Variants in KEL observed in about 807,000 individuals in gnomAD.
The protein encoded by KEL is kell blood group glycoprotein.
In KEL, 96 loss-of-function variants were observed where a neutral mutation model predicts 99.5. That is an observed-to-expected ratio of 0.97 (90% CI 0.82 to 1.14). The LOEUF is 1.14. KEL is among the 50% of genes most tolerant of loss of function. The pLI, the probability that KEL is intolerant of heterozygous loss-of-function variation, is 0.00. For missense variants in KEL, 926 were observed against 924.2 expected, an observed-to-expected ratio of 1.00 and a Z score of -0.03; for synonymous variants, 355 against 354.8, an observed-to-expected ratio of 1.00 and a Z score of -0.01.
chr7:142,943,242 A>AT, intron 16 of KEL, 34 bp downstream of exon 16: 1 of 1,610,376 alleles, frequency 6.2e-7, no homozygotes, highest in Non-Finnish European at 8.5e-7. Context: ...TAGGTTCCCT[A>AT]TTATCCCACC....
Position 142,962,268 on chromosome 7 carries a change from A to G in KEL, c.-62T>C. The G allele has an allele frequency of 3.1e-6, 5 of 1,604,080 alleles. No homozygotes were observed. The highest frequency in any genetic ancestry group is 1.7e-5 in the Admixed American group (1 of 60,010). ...TCCACTCTAGGAGCTGATTCGGAGGACTGGGGTCCAGGAAACACCCCCCGC... is the reference window on the plus strand; with the variant it reads ...TCCACTCTAGGAGCTGATTCGGAGGGCTGGGGTCCAGGAAACACCCCCCGC... On this transcript the variant is annotated 5_prime_UTR_variant, in exon 1 of 19. Transcript: ENST00000355265.
intron 10 of KEL, 68 bp downstream of exon 10, chr7:142,952,441 A>C: frequency 1.9e-6 from 3 of 1,597,138 alleles, no homozygotes; most frequent in Non-Finnish European, 1.7e-6. Flanking sequence ...AGATGCCGAC[A>C]TTTACCCCTC....
chr7:142,942,429 C>G lies in KEL; in HGVS notation c.2037+5G>C. 1 of 1,574,746 alleles carries G rather than the reference C, an allele frequency of 6.4e-7. No homozygotes were observed. Among genetic ancestry groups the G allele is most frequent in the Non-Finnish European group, 8.6e-7 (1 of 1,157,654 alleles). On this transcript the variant is annotated splice_donor_5th_base_variant and intron_variant, in intron 18 of 18. Coordinates refer to ENST00000355265, the MANE Select transcript of KEL (RefSeq NM_000420.3). The stretch of plus-strand genomic sequence containing the variant: ...AAGCTGTGGCGGGAGGTGGCCGCTG[C>G]CTACCTGGGCATAGCTTCGAAAGAA...
In KEL at chr7:142,957,866, T is replaced by C; in HGVS notation, c.633A>G (p.Leu211=). Residue 211 remains leucine, a synonymous_variant, in exon 6 of 19, where the codon CTA becomes CTG. Coordinates refer to ENST00000355265, the MANE Select transcript of KEL (RefSeq NM_000420.3). ...TGTGTGGAGAGGCAGGATGAGGTCC[T>C]AGGTAGGCTCTGAAGAAAGGGAAAT... ...YGHFPFFRAY[L]GPHPASPHTP... 1 of 1,614,130 alleles carries C rather than the reference T, an allele frequency of 6.2e-7. No homozygotes were observed. The highest frequency in any genetic ancestry group is 8.5e-7 in the Non-Finnish European group (1 of 1,180,016).
intron 11 of KEL, among the ~76,000 whole-genome samples, chr7:142,945,537 G>C (rs1420327518): frequency 6.6e-6 from 1 of 152,114 alleles, no homozygotes. Context: ...CCCTCTTCAA[G>C]ATTATGTCAT....
rs1796397111 is a variant in KEL, at chr7:142,942,791, G to A, written c.1941+84C>T. On this transcript the variant is annotated intron_variant, in intron 17 of 18. Transcript: ENST00000355265. ...CAGAAAGCCATGCAACTGTACTTGT[G>A]TCAGGAATGGTGGAAGGAAAACTTG... is the stretch of plus-strand genomic sequence containing the variant. 2.6e-6 allele frequency: 4 copies of A among 1,528,408 alleles called. No homozygotes were observed. The South Asian group carries it at 3.4e-5, about 13-fold the overall frequency. The allele number at this position is 1,528,408 out of a possible 1,614,324, so 94.7% of individuals were successfully genotyped here. A position where few individuals can be genotyped will look rare whatever the true frequency, so the allele number is the denominator to read the frequency against.
intron 4 of KEL, among the ~76,000 whole-genome samples, chr7:142,959,949 T>G (rs1256831452): frequency 2.0e-5 from 3 of 152,230 alleles, no homozygotes; most frequent in African/African-American, 7.2e-5. Context: ...GTCAACACAT[T>G]CTTTAGGTTC....
intron 6 of KEL, among the ~76,000 whole-genome samples, chr7:142,955,827 TTCTTA>T (rs1192160492): frequency 6.6e-6 from 1 of 152,236 alleles, no homozygotes; most frequent in Non-Finnish European, 1.5e-5. Context: ...TGTTTCCACT[TTCTTA>T]TCTTCCTCCT....
In KEL at chr7:142,957,930, A is replaced by C; in HGVS notation, c.569T>G (p.Phe190Cys). Residue 190 changes from phenylalanine (F) to cysteine (C), a missense_variant, in exon 6 of 19, where the codon TTT (phenylalanine) becomes TGT (cysteine). Coordinates refer to ENST00000355265, the MANE Select transcript of KEL (RefSeq NM_000420.3). ...RISGKWTSLN[F>C]NRTLRLLMSQ... ...CATCAGAAGTCTCAGCGTTCGGTTA[A>C]AGTTTAAGGAAGTCCATTTACCAGA... 3.1e-6 allele frequency: 5 copies of C among 1,614,064 alleles called. No homozygotes were observed. The highest frequency in any genetic ancestry group is 4.2e-6 in the Non-Finnish European group (5 of 1,180,008).
chr7:142,956,573 A>G (rs1045104941), intron 6 of KEL, among the ~76,000 whole-genome samples: 12 of 152,054 alleles, frequency 7.9e-5, no homozygotes, highest in African/African-American at 2.7e-4. Context: ...CCTCAATTAA[A>G]TAGATCAGCC....
chr7:142,946,439 A>G, intron 10 of KEL, 122 bp from the exon 11 acceptor site: 1 of 777,160 alleles, frequency 1.3e-6, no homozygotes, highest in South Asian at 1.5e-5. Flanking sequence ...TCTGGGTTTC[A>G]TCTGTTTACT....
chr7:142,957,019 T>G (rs1050244055), intron 6 of KEL, among the ~76,000 whole-genome samples: 7 of 152,196 alleles, frequency 4.6e-5, no homozygotes, highest in African/African-American at 1.7e-4. Context: ...TGATAGGTCC[T>G]GAGAAACAAA....
chr7:142,962,002 G>C (rs1368953067), intron 1 of KEL, 130 bp from the exon 2 acceptor site: 1 of 1,609,830 alleles, frequency 6.2e-7, no homozygotes. Flanking sequence ...TTTTATCTCG[G>C]AGCAGTGTTC....
chr7:142,944,643 C>T lies in KEL; in HGVS notation c.1413G>A (p.Lys471=). ...NEETQNMAQD[K]VAQLQVEMGA... is the part of the protein sequence containing the mutation. Reference sequence around the variant, plus strand: ...CACCAGCCAGGACGCCTGGCCTGACCTTGTCCTGGGCCATGTTCTGGGTCT... The same window carrying T: ...CACCAGCCAGGACGCCTGGCCTGACTTTGTCCTGGGCCATGTTCTGGGTCT... Residue 471 remains lysine (K), a splice_region_variant and synonymous_variant, in exon 12 of 19, where the codon AAG becomes AAA. Transcript: ENST00000355265. 1 of 1,612,788 alleles carries T rather than the reference C, an allele frequency of 6.2e-7. No homozygotes were observed. The highest frequency in any genetic ancestry group is 8.5e-7 in the Non-Finnish European group (1 of 1,178,754).
rs61729045 is a variant in KEL at position 142,946,305 on chromosome 7, G to A, written c.1216C>T (p.Arg406Ter). Reference sequence around the variant, plus strand: ...GTCTCCTCCACGCACTTCATCCATCGTGGGCGGGCAGGCTATGGAGACAAA... The same window carrying A: ...GTCTCCTCCACGCACTTCATCCATCATGGGCGGGCAGGCTATGGAGACAAA... ...TEQPPMPARP[R>*]WMKCVEETGT... Residue 406 changes from arginine (R) to a stop codon, truncating the protein, a stop_gained, in exon 11 of 19, where the codon CGA becomes TGA. Coordinates refer to ENST00000355265, the MANE Select transcript of KEL (RefSeq NM_000420.3). LOFTEE classifies it high-confidence loss of function. 19 of 1,613,560 alleles carry A rather than the reference G, an allele frequency of 1.2e-5. No individual in the cohort carries two copies. Among genetic ancestry groups the A allele is most frequent in the Admixed American group, 3.3e-5 (2 of 59,982 alleles).
At chr7:142,947,691 C>T (rs1272984181) in intron 10 of KEL, among the ~76,000 whole-genome samples, 1 of 152,170 alleles carries the variant, frequency 6.6e-6, no homozygotes, top group African/African-American at 2.4e-5. Flanking sequence ...GCTGGGATTA[C>T]AGGTGGCTAC....
chr7:142,952,498 C>A lies in KEL; in HGVS notation c.1203+11G>T, dbSNP rs1276686994. On this transcript the variant is annotated intron_variant, in intron 10 of 18. Coordinates refer to ENST00000355265, the MANE Select transcript of KEL (RefSeq NM_000420.3). ...GAGTATCTGGGCAAATACACCCGCT[C>A]CTCTCCTCACCATGGGTGGTTGCTC... 1 of 1,613,560 alleles carries A rather than the reference C, an allele frequency of 6.2e-7. No homozygotes were observed. The highest frequency in any genetic ancestry group is 1.7e-5 in the Admixed American group (1 of 60,028).
In KEL at chr7:142,961,520, G is replaced by A. The variant is rs1796959380; in HGVS notation, c.82-19C>T. 6 of 1,580,920 alleles carry A rather than the reference G, an allele frequency of 3.8e-6. No homozygotes were observed. Among genetic ancestry groups the A allele is most frequent in the Non-Finnish European group, 5.2e-6 (6 of 1,162,756 alleles). On this transcript the variant is annotated intron_variant, in intron 2 of 18. Coordinates refer to ENST00000355265, the MANE Select transcript of KEL (RefSeq NM_000420.3). ...GAGTGCTCTGTGGGAGGAACCAAGAGGTGAAAGATACAAGATGGGGGTTGA... is the reference window on the plus strand; with the variant it reads ...GAGTGCTCTGTGGGAGGAACCAAGAAGTGAAAGATACAAGATGGGGGTTGA...
chr7:142,942,944 G>A lies in KEL; in HGVS notation c.1872C>T (p.Thr624=). ...HYAAFPLPSR[T]SFNDSLTFLE... The stretch of plus-strand genomic sequence containing the variant: ...AGAATGTGAGGGAGTCATTGAAGGA[G>A]GTTCTGCTAGGTAATGGAAAGGCAG... Residue 624 remains threonine, a synonymous_variant, in exon 17 of 19, where the codon ACC becomes ACT. Transcript: ENST00000355265. 1.2e-6 allele frequency: 2 copies of A among 1,614,208 alleles called. No homozygotes were observed. Among genetic ancestry groups the A allele is most frequent in the South Asian group, 2.2e-5 (2 of 91,088 alleles).
Sources: allele counts gnomAD v4.1 joint callset (sites outside exome capture counted in the v4.1 genomes callset), GRCh38; gene constraint gnomAD v4.1.1; transcripts MANE v1.5; gene names NCBI Gene and HGNC (gene_info 2026-07-23, HGNC 2026-07-21).